The following ELAVL3 variants were observed in gnomAD, a reference collection of about 807,000 sequenced individuals.
The protein encoded by ELAVL3 is ELAV-like protein 3.
In ELAVL3, 8 loss-of-function variants were observed where a neutral mutation model predicts 34.2. The observed-to-expected ratio is 0.23, with a 90% CI of 0.14 to 0.42. The LOEUF (loss-of-function observed/expected upper bound fraction) is 0.42, where lower values mean the gene tolerates loss of function less well. Ranked by LOEUF, ELAVL3 falls within the 10% of genes least tolerant of loss-of-function variation. ELAVL3 has a pLI of 1.00. For missense variants in ELAVL3, 273 were observed against 518.8 expected (o/e 0.53, Z 4.60); for synonymous variants, 209 against 222.1 (o/e 0.94, Z 0.53).
In ELAVL3 at chr19:11,454,530, G is replaced by T; in HGVS notation, c.1100C>A (p.Ala367Glu). 1 of 1,601,960 alleles carries T rather than the reference G, an allele frequency of 6.2e-7. No homozygotes were observed. Among genetic ancestry groups the T allele is most frequent in the Non-Finnish European group, 8.5e-7 (1 of 1,173,974 alleles). ...GGGAGGGCAGGCGGGGTGGGCTCAC[G>T]CCTTGTGCTGTTTGCTGGTCTTGAA... is the stretch of plus-strand genomic sequence containing the variant. ...VSFKTSKQHK[A>E] The change falls in exon 7 of 7, where the codon GCG becomes GAG. Residue 367 changes from alanine to glutamate, a missense_variant. Physicochemically the swap from Ala to Glu is moderately radical, Grantham distance 107. Around this residue, in one of 4 missense-constraint regions of ELAVL3, gnomAD observed 52 missense variants for 119.6 expected, o/e 0.43. Transcript: ENST00000359227. The surrounding 1 kb of genome is among the most constrained non-coding windows in gnomAD (Gnocchi z 9.2).
chr19:11,467,070 G>A (rs989647395), intron 1 of ELAVL3, among the ~76,000 whole-genome samples: 3 of 152,240 alleles, frequency 2.0e-5, no homozygotes, highest in East Asian at 3.9e-4. Context: ...TACTATATAC[G>A]CAAACAGAGG....
At chr19:11,464,133 C>CTT (rs1555732410) in intron 3 of ELAVL3, among the ~76,000 whole-genome samples, 8 of 100,352 alleles carry the variant, frequency 8.0e-5, no homozygotes, top group Admixed American at 7.9e-4. Context: ...GTCTCTCTCT[C>CTT]TCTCTCTCTC....
intron 1 of ELAVL3, among the ~76,000 whole-genome samples, chr19:11,469,795 C>G (rs961053440): frequency 6.6e-6 from 1 of 152,164 alleles, no homozygotes. Flanking sequence ...CAGTGACTTA[C>G]GCCTGTAATT....
chr19:11,473,063 T>A (rs1355107736), intron 1 of ELAVL3, among the ~76,000 whole-genome samples: 1 of 146,726 alleles, frequency 6.8e-6, no homozygotes, highest in East Asian at 2.1e-4. Context: ...TGAGACTCTG[T>A]CTCAAAAAGA....
rs1049907663 is a variant in ELAVL3, at chr19:11,480,930, G to T, written c.-322C>A. 3 of 303,212 alleles carry T rather than the reference G, an allele frequency of 9.9e-6. No homozygotes were observed. The highest frequency in any genetic ancestry group is 4.4e-5 in the African/African-American group (2 of 45,890). The allele number at this position is 303,212 out of a possible 1,614,324, so 18.8% of individuals were successfully genotyped here. A position where few individuals can be genotyped will look rare whatever the true frequency, so the allele number is the denominator to read the frequency against. ...TGCGCTTCCCGACAGAGATCGCGGC[G>T]CTCTGCCTTTCGCCGCCGCCCCTCG... On this transcript the variant is annotated 5_prime_UTR_variant, in exon 1 of 7. Coordinates refer to ENST00000359227, the MANE Select transcript of ELAVL3 (RefSeq NM_001420.4). The surrounding 1 kb of genome is among the most constrained non-coding windows in gnomAD (Gnocchi z 6.8).
At chr19:11,467,935 G>T (rs1288304155) in intron 1 of ELAVL3, among the ~76,000 whole-genome samples, 1 of 152,090 alleles carries the variant, frequency 6.6e-6, no homozygotes, top group Non-Finnish European at 1.5e-5. Context: ...AACAATAGGC[G>T]CATGCCACCA....
chr19:11,470,827 T>C (rs1332575350), intron 1 of ELAVL3, among the ~76,000 whole-genome samples: 2 of 152,168 alleles, frequency 1.3e-5, no homozygotes, highest in Non-Finnish European at 2.9e-5. Flanking sequence ...ACCCTCGGAA[T>C]GTGAAGACCA....
chr19:11,465,910 G>C (rs1326563034), intron 3 of ELAVL3, among the ~76,000 whole-genome samples: 1 of 152,136 alleles, frequency 6.6e-6, no homozygotes, highest in Non-Finnish European at 1.5e-5. Flanking sequence ...GCCTTACAGG[G>C]CCTGGCTGAC....
In ELAVL3 at chr19:11,466,773, G is replaced by GGGCCGGGCC. The variant is rs763752393; in HGVS notation, c.55_63dup (p.Gly19_Ala21dup). On this transcript the variant is annotated inframe_insertion, in exon 2 of 7. Coordinates refer to ENST00000359227, the MANE Select transcript of ELAVL3 (RefSeq NM_001420.4). This position sits in a 1 kb window ranked among gnomAD's most constrained non-coding sequence, Gnocchi z 5.0. Reference sequence around the variant, plus strand: ...GTACCAAGGAGTGGCCCGTTGGGCAGGGCCGGGCCGGCCGGGCCCCCCCCC... The same window carrying GGGCCGGGCC: ...GTACCAAGGAGTGGCCCGTTGGGCAGGGCCGGGCCGGCCGGGCCGGCCGGGCCCCCCCCC... 3 of 1,613,954 alleles carry GGGCCGGGCC rather than the reference G, an allele frequency of 1.9e-6. No homozygotes were observed. The highest frequency in any genetic ancestry group is 2.5e-6 in the Non-Finnish European group (3 of 1,179,932).
rs1349366007 is a variant in ELAVL3, at chr19:11,464,164, T to G, written c.333+2008A>C. Reference sequence around the variant, plus strand: ...CTCTCTCTCTCTCTATATATATATATATATTTTTTTTTTTTTTAGACAGGG... The same window carrying G: ...CTCTCTCTCTCTCTATATATATATAGATATTTTTTTTTTTTTTAGACAGGG... On this transcript the variant is annotated intron_variant, in intron 3 of 6. Coordinates refer to ENST00000359227, the MANE Select transcript of ELAVL3 (RefSeq NM_001420.4). 4.4e-5 allele frequency among the ~76,000 whole-genome samples: 5 copies of G among 112,562 alleles called. No individual in the cohort carries two copies. In the South Asian group the frequency reaches 1.3e-3, roughly 30 times the overall value. 73.8% of individuals were successfully genotyped at this position (112,562 alleles called of 152,430 possible).
chr19:11,464,165 ATATTTT>A lies in ELAVL3; in HGVS notation c.333+2001_333+2006del, dbSNP rs1487898325. 8.6e-3 allele frequency among the ~76,000 whole-genome samples: 950 copies of A among 111,040 alleles called. 22 individuals are homozygous for A. The highest frequency in any genetic ancestry group is 0.04 in the African/African-American group (886 of 22,148). 72.8% of individuals were successfully genotyped at this position (111,040 alleles called of 152,430 possible). A position where few individuals can be genotyped will look rare whatever the true frequency, so the allele number is the denominator to read the frequency against. On this transcript the variant is annotated intron_variant, in intron 3 of 6. Coordinates refer to ENST00000359227, the MANE Select transcript of ELAVL3 (RefSeq NM_001420.4). ...TCTCTCTCTCTCTATATATATATAT[ATATTTT>A]TTTTTTTTTTAGACAGGGTCTTGCT...
chr19:11,479,229 C>T (rs969039739), intron 1 of ELAVL3, among the ~76,000 whole-genome samples: 5 of 152,062 alleles, frequency 3.3e-5, no homozygotes, highest in African/African-American at 1.2e-4. Flanking sequence ...AGCACGAGGC[C>T]CAGAGAGGGA....
intron 1 of ELAVL3, among the ~76,000 whole-genome samples, chr19:11,474,082 G>A (rs1364427009): frequency 6.6e-6 from 1 of 152,068 alleles, no homozygotes; most frequent in Admixed American, 6.6e-5. Flanking sequence ...ACCCAGACTG[G>A]GGTGCAGTGG....
chr19:11,462,333 A>G (rs1970905405), intron 3 of ELAVL3, among the ~76,000 whole-genome samples: 2 of 151,724 alleles, frequency 1.3e-5, no homozygotes, highest in South Asian at 4.1e-4. Context: ...GTCCATAATA[A>G]TGATTTTTAA....
chr19:11,455,780 C>A (rs1208592845), intron 6 of ELAVL3, among the ~76,000 whole-genome samples: 2 of 152,144 alleles, frequency 1.3e-5, no homozygotes, highest in Non-Finnish European at 2.9e-5. Flanking sequence ...ATCTTCCCTG[C>A]AAGAGTTTGT....
Position 11,466,881 on chromosome 19 carries a change from G to T in ELAVL3, c.10-54C>A. ...CGCCCAGTCCCCACACCAGGGGCCTGCGGCAATGAGTGGCTTGGTGGTGAT... is the reference window on the plus strand; with the variant it reads ...CGCCCAGTCCCCACACCAGGGGCCTTCGGCAATGAGTGGCTTGGTGGTGAT... On this transcript the variant is annotated intron_variant, in intron 1 of 6. Coordinates refer to ENST00000359227, the MANE Select transcript of ELAVL3 (RefSeq NM_001420.4). This position sits in a 1 kb window ranked among gnomAD's most constrained non-coding sequence, Gnocchi z 5.0. 6.8e-7 allele frequency: 1 copy of T among 1,474,280 alleles called. No individual in the cohort carries two copies. Among genetic ancestry groups the T allele is most frequent in the Non-Finnish European group, 9.3e-7 (1 of 1,080,066 alleles). The allele number at this position is 1,474,280 out of a possible 1,614,324, so 91.3% of individuals were successfully genotyped here.
intron 3 of ELAVL3, among the ~76,000 whole-genome samples, chr19:11,459,555 C>G (rs368174667): frequency 6.6e-6 from 1 of 151,714 alleles, no homozygotes; most frequent in Admixed American, 6.6e-5. Flanking sequence ...GTGTGAGCCA[C>G]CTCCCCCGGC....
At chr19:11,470,390 G>A (rs1971139781) in intron 1 of ELAVL3, among the ~76,000 whole-genome samples, 1 of 151,704 alleles carries the variant, frequency 6.6e-6, no homozygotes, top group South Asian at 2.1e-4. Flanking sequence ...ATAAGGCCGG[G>A]CATGGTGGCT....
chr19:11,458,086 G>T lies in ELAVL3; in HGVS notation c.688C>A (p.Leu230Ile). ...QSSARRYAGP[L>I]HHQTQRFRLD... ...CGGAAACGCTGGGTCTGATGGTGTA[G>T]GGGGCCTGCGTAGCGCCGGGCGGAT... The change falls in exon 5 of 7, where the codon CTA becomes ATA. Residue 230 changes from leucine to isoleucine, a missense_variant. Physicochemically the swap from Leu to Ile is conservative, Grantham distance 5. This residue lies in a region of ELAVL3 where 79 missense variants were observed against 108.2 expected (regional missense o/e 0.73). Coordinates refer to ENST00000359227, the MANE Select transcript of ELAVL3 (RefSeq NM_001420.4). This position sits in a 1 kb window ranked among gnomAD's most constrained non-coding sequence, Gnocchi z 7.3. The T allele has an allele frequency of 6.2e-7, 1 of 1,613,352 alleles. No individual in the cohort carries two copies. Among genetic ancestry groups the T allele is most frequent in the Non-Finnish European group, 8.5e-7 (1 of 1,180,008 alleles).
Sources: allele counts gnomAD v4.1 joint callset (sites outside exome capture counted in the v4.1 genomes callset), GRCh38; gene constraint gnomAD v4.1.1; regional missense constraint gnomAD v4.1.1; non-coding constraint Gnocchi (gnomAD v3.1); transcripts MANE v1.5; gene names NCBI Gene and HGNC (gene_info 2026-07-23, HGNC 2026-07-21).